KIF26B: variants seen among roughly 807,000 people sequenced by gnomAD.
KIF26B encodes the protein kinesin family member 26B, also known as kinesin-like protein KIF26B.
Under a neutral mutation model 151.2 loss-of-function variants are expected in KIF26B, and 63 were observed. That is an observed-to-expected ratio of 0.42 (90% CI 0.34 to 0.51). The LOEUF is 0.51. Ranked by LOEUF, KIF26B falls within the 20% of genes least tolerant of loss-of-function variation. KIF26B has a pLI of 0.07. For missense variants in KIF26B, 2,813 were observed against 2,913.6 expected, an observed-to-expected ratio of 0.97 and a Z score of 0.79; for synonymous variants, 1,357 against 1,262.1, an observed-to-expected ratio of 1.08 and a Z score of -1.59.
At chr1:245,440,082 G>T (rs1057440945) in intron 4 of KIF26B, among the ~76,000 whole-genome samples, 11 of 152,124 alleles carry the variant, frequency 7.2e-5, no homozygotes, top group Admixed American at 7.2e-4. Context: ...TTAGCCGGGC[G>T]TGGTGGCGGG....
intron 4 of KIF26B, among the ~76,000 whole-genome samples, chr1:245,427,552 G>A (rs1175264449): frequency 2.0e-5 from 3 of 152,168 alleles, no homozygotes; most frequent in Admixed American, 6.5e-5. Flanking sequence ...AGGTTGCGGT[G>A]AGCCAAGATC....
Position 245,687,831 on chromosome 1 carries a change from C to G in KIF26B, c.4848C>G (p.His1616Gln). 2 of 1,596,620 alleles carry G rather than the reference C, an allele frequency of 1.3e-6. No individual in the cohort carries two copies. The highest frequency in any genetic ancestry group is 1.7e-4 in the Middle Eastern group (1 of 6,050). The part of the protein sequence containing the change: ...LDQKNRASPQ[H>Q]SASGSGTSSP... ...AGAAGAACCGGGCCAGCCCTCAGCA[C>G]AGTGCCAGCGGCAGCGGCACCAGCA... The change falls in exon 12 of 15, where the codon CAC (histidine) becomes CAG (glutamine). Residue 1616 changes from histidine (H) to glutamine (Q), a missense_variant. Physicochemically the swap from His to Gln is conservative, Grantham distance 24. This residue lies in a region of KIF26B where 2,060 missense variants were observed against 2,088.6 expected (regional missense o/e 0.99). Transcript: ENST00000407071. The surrounding 1 kb of genome is among the most constrained non-coding windows in gnomAD (Gnocchi z 4.9).
chr1:245,689,275 T>A (rs1336101311), intron 12 of KIF26B, among the ~76,000 whole-genome samples: 1 of 152,192 alleles, frequency 6.6e-6, no homozygotes, highest in Non-Finnish European at 1.5e-5. Flanking sequence ...GTTTACAGCC[T>A]GTTGAGGGAT....
chr1:245,191,774 A>C (rs1389219965), intron 2 of KIF26B, among the ~76,000 whole-genome samples: 1 of 152,208 alleles, frequency 6.6e-6, no homozygotes, highest in African/African-American at 2.4e-5. Flanking sequence ...AGTTTAAGGG[A>C]CAAAGGCAGT....
chr1:245,679,106 G>A (rs991395502), intron 10 of KIF26B, among the ~76,000 whole-genome samples: 1 of 152,154 alleles, frequency 6.6e-6, no homozygotes, highest in East Asian at 1.9e-4. Context: ...CAAAGGAGCA[G>A]GTAGCGAGCA....
intron 3 of KIF26B, among the ~76,000 whole-genome samples, chr1:245,376,745 C>G (rs760125127): frequency 6.6e-6 from 1 of 152,010 alleles, no homozygotes; most frequent in East Asian, 1.9e-4. Context: ...TGGAGTGCAG[C>G]GGCACAATCT....
chr1:245,680,384 A>C (rs1335418170), intron 10 of KIF26B, among the ~76,000 whole-genome samples: 1 of 152,220 alleles, frequency 6.6e-6, no homozygotes, highest in African/African-American at 2.4e-5. Context: ...CCGGTTGCTA[A>C]GCAGCATACA....
chr1:245,462,137 A>G (rs1292531717), intron 4 of KIF26B, among the ~76,000 whole-genome samples: 1 of 152,184 alleles, frequency 6.6e-6, no homozygotes, highest in East Asian at 1.9e-4. Context: ...AAAGAAAAAA[A>G]ATTAAAAAAT....
intron 4 of KIF26B, among the ~76,000 whole-genome samples, chr1:245,465,556 C>T (rs1288900804): frequency 6.6e-6 from 1 of 152,190 alleles, no homozygotes; most frequent in African/African-American, 2.4e-5. Flanking sequence ...CTCTGTGTTC[C>T]GTTTCCTTCC....
At chr1:245,648,691 C>T (rs983441235) in intron 10 of KIF26B, among the ~76,000 whole-genome samples, 4 of 152,072 alleles carry the variant, frequency 2.6e-5, no homozygotes, top group African/African-American at 9.7e-5. Flanking sequence ...GTTAATTAAG[C>T]ATATTTTTAA....
Position 245,156,667 on chromosome 1 carries a change from G to T in KIF26B, c.449G>T (p.Gly150Val), listed in dbSNP as rs902247848. The change falls in exon 2 of 15, where the codon GGG becomes GTG. Residue 150 changes from glycine to valine, a missense_variant. This residue lies in a region of KIF26B where 676 missense variants were observed against 688.1 expected (regional missense o/e 0.98). Coordinates refer to ENST00000407071, the MANE Select transcript of KIF26B (RefSeq NM_018012.4). ...CAGGCCCTGAGGTTGCTCCTCCCGG[G>T]GCCCTTCCCGGGCAAGGTGAGCGCC... ...KRQALRLLLPGPFPGKDPAFS... is the reference protein window; with the variant it reads ...KRQALRLLLPVPFPGKDPAFS... The T allele has an allele frequency of 1.3e-6, 2 of 1,501,080 alleles. No individual in the cohort carries two copies. Among genetic ancestry groups the T allele is most frequent in the East Asian group, 2.8e-5 (1 of 36,286 alleles). 93.0% of individuals were successfully genotyped at this position (1,501,080 alleles called of 1,614,324 possible).
At chr1:245,433,779 C>T (rs543153285) in intron 4 of KIF26B, among the ~76,000 whole-genome samples, 4 of 152,108 alleles carry the variant, frequency 2.6e-5, no homozygotes, top group Non-Finnish European at 4.4e-5. Flanking sequence ...CACTGAGATT[C>T]CGGAAATATA....
chr1:245,453,811 A>C (rs562788779), intron 4 of KIF26B, among the ~76,000 whole-genome samples: 2 of 152,360 alleles, frequency 1.3e-5, no homozygotes, highest in South Asian at 4.1e-4. Flanking sequence ...CAGTTGAAAG[A>C]ATTATGATCA....
intron 5 of KIF26B, among the ~76,000 whole-genome samples, chr1:245,588,215 A>T (rs1327416938): frequency 6.6e-6 from 1 of 152,166 alleles, no homozygotes; most frequent in African/African-American, 2.4e-5. Flanking sequence ...TAATTTTCAC[A>T]TTGAGTTGGT....
At chr1:245,642,891 T>C (rs1209352549) in intron 9 of KIF26B, among the ~76,000 whole-genome samples, 1 of 152,152 alleles carries the variant, frequency 6.6e-6, no homozygotes. Context: ...CAGTCTTGTA[T>C]CAGAAGGCAT....
intron 2 of KIF26B, among the ~76,000 whole-genome samples, chr1:245,280,604 T>TA (rs1671028408): frequency 6.9e-6 from 1 of 144,608 alleles, no homozygotes; most frequent in African/African-American, 2.6e-5. Context: ...TTCGTTTTTT[T>TA]TTTTTTTTTT....
chr1:245,319,016 G>A (rs145112612), intron 2 of KIF26B, among the ~76,000 whole-genome samples: 202 of 152,316 alleles, frequency 1.3e-3, no homozygotes, highest in Non-Finnish European at 2.2e-3. Context: ...AGTTTTGGGT[G>A]CCTACGGCTT....
intron 4 of KIF26B, among the ~76,000 whole-genome samples, chr1:245,450,206 A>G (rs1371444812): frequency 6.6e-6 from 1 of 151,886 alleles, no homozygotes; most frequent in Non-Finnish European, 1.5e-5. Flanking sequence ...TCTTACTTTT[A>G]TCTGTTGGCC....
intron 2 of KIF26B, among the ~76,000 whole-genome samples, chr1:245,198,886 G>T (rs192644261): frequency 6.8e-6 from 1 of 147,772 alleles, no homozygotes; most frequent in African/African-American, 2.6e-5. Context: ...AATGTAGACC[G>T]GGGGGTCAGG....
Sources: gnomAD v4.1 joint callset for allele counts (sites outside exome capture counted in the v4.1 genomes callset) on GRCh38, gnomAD v4.1.1 for gene constraint, gnomAD v4.1.1 regional missense constraint, Gnocchi (gnomAD v3.1) non-coding constraint, MANE v1.5 for transcripts, NCBI Gene and HGNC (gene_info 2026-07-23, HGNC 2026-07-21) for gene names.